Variants in IMPG2 observed in about 807,000 individuals in gnomAD.
IMPG2 encodes IPM 200.
IMPG2 carries 91 observed loss-of-function variants against 129.2 expected under a neutral mutation model. The ratio of observed to expected loss-of-function variants is 0.70; its 90% CI spans 0.59 to 0.84. The LOEUF is 0.84. IMPG2 is among the 40% of genes least tolerant of loss of function. The pLI is 0.00. For synonymous variants in IMPG2, 510 were observed against 517.7 expected (o/e 0.99, Z 0.20); for missense variants, 1,430 against 1,461.7 (o/e 0.98, Z 0.35).
At chr3:101,268,545 C>G (rs1706745138) in intron 8 of IMPG2, among the ~76,000 whole-genome samples, 1 of 151,960 alleles carries the variant, frequency 6.6e-6, no homozygotes, top group Non-Finnish European at 1.5e-5. Context: ...CTCTGGTTTC[C>G]TTATTGGAAA....
chr3:101,229,300 A>ACCG, intron 17 of IMPG2, 80 bp downstream of exon 17: 1 of 859,116 alleles, frequency 1.2e-6, no homozygotes. Context: ...ACTCATACAC[A>ACCG]CCCCCACCCA....
chr3:101,236,419 A>T (rs1706346305), intron 14 of IMPG2, among the ~76,000 whole-genome samples: 1 of 152,226 alleles, frequency 6.6e-6, no homozygotes, highest in Non-Finnish European at 1.5e-5. Context: ...CAAGATGGCC[A>T]AATAGGAACA....
chr3:101,291,137 C>T (rs974869955), intron 4 of IMPG2, among the ~76,000 whole-genome samples: 1 of 152,198 alleles, frequency 6.6e-6, no homozygotes, highest in Non-Finnish European at 1.5e-5. Context: ...ATAAACTATT[C>T]TCCACTGTGG....
In IMPG2 at chr3:101,245,853, AG is replaced by A; in HGVS notation, c.1491del (p.Leu498CysfsTer15). 6.2e-7 allele frequency: 1 copy of A among 1,614,220 alleles called. No individual in the cohort carries two copies. On this transcript the variant is annotated frameshift_variant, in exon 12 of 19. Transcript: ENST00000193391. LOFTEE classifies it high-confidence loss of function. ...HSVTPAVLQT[G>X]LPVASEERTS... ...GTCCTTTCCTCAGAAGCCACAGGCA[AG>A]CCAGTCTGAAGCACTGCCGGGGTGA...
intron 9 of IMPG2, among the ~76,000 whole-genome samples, chr3:101,261,839 T>C (rs1706674741): frequency 6.6e-6 from 1 of 152,014 alleles, no homozygotes; most frequent in Non-Finnish European, 1.5e-5. Context: ...GAATACACAT[T>C]GGTAGATAAA....
intron 15 of IMPG2, among the ~76,000 whole-genome samples, chr3:101,231,820 T>C (rs973657667): frequency 6.6e-6 from 1 of 152,186 alleles, no homozygotes; most frequent in Non-Finnish European, 1.5e-5. Context: ...TGGTTGTGTA[T>C]GGTTGGAAAG....
At chr3:101,257,392 CATTCATAT>C in intron 10 of IMPG2, 129 bp downstream of exon 10, 1 of 986,688 alleles carries the variant, frequency 1.0e-6, no homozygotes, top group Non-Finnish European at 1.5e-6. Context: ...GCTAAAACTC[CATTCATAT>C]CAGGTTGGCT....
rs1282236292 is a variant in IMPG2, at chr3:101,224,752, C to T, written c.*2217G>A. 1 of 152,230 alleles carries T rather than the reference C, an allele frequency of 6.6e-6. No homozygotes were observed. The highest frequency in any genetic ancestry group is 1.5e-5 in the Non-Finnish European group (1 of 68,050). 9.4% of individuals were successfully genotyped at this position (152,230 alleles called of 1,614,324 possible). The stretch of plus-strand genomic sequence containing the variant: ...CCTCAACTGAGGCCTCCTGTTCTTT[C>T]CCTGATAGTTGAGGGGCTCCTTTAC... On this transcript the variant is annotated 3_prime_UTR_variant, in exon 19 of 19. Transcript: ENST00000193391.
At chr3:101,286,803 A>G (rs765064034) in intron 4 of IMPG2, among the ~76,000 whole-genome samples, 1 of 152,170 alleles carries the variant, frequency 6.6e-6, no homozygotes, top group Non-Finnish European at 1.5e-5. Context: ...TTTCCAGCTG[A>G]TGCACAGAAA....
chr3:101,262,385 T>C (rs1435939644), intron 9 of IMPG2, among the ~76,000 whole-genome samples: 2 of 152,116 alleles, frequency 1.3e-5, no homozygotes, highest in Non-Finnish European at 2.9e-5. Flanking sequence ...GTATGTTATA[T>C]ATCTCATAGA....
intron 7 of IMPG2, 66 bp from the exon 8 acceptor site, chr3:101,269,639 C>T (rs906742840): frequency 2.6e-5 from 24 of 938,844 alleles, no homozygotes; most frequent in Non-Finnish European, 4.0e-5. Flanking sequence ...GAAAATAATG[C>T]TTTTAAGAGT....
At chr3:101,291,541 A>G (rs367548810) in intron 3 of IMPG2, 31 bp from the exon 4 acceptor site, 5 of 1,527,296 alleles carry the variant, frequency 3.3e-6, no homozygotes, top group African/African-American at 2.7e-5. Context: ...AAAATGACTG[A>G]GTTAACAACA....
intron 3 of IMPG2, among the ~76,000 whole-genome samples, chr3:101,291,895 C>G (rs1027690207): frequency 6.6e-6 from 1 of 152,094 alleles, no homozygotes; most frequent in Admixed American, 6.5e-5. Context: ...CATCCTAGAA[C>G]AATGTAAACA....
chr3:101,272,213 T>TA (rs1706793164), intron 7 of IMPG2, among the ~76,000 whole-genome samples: 2 of 152,144 alleles, frequency 1.3e-5, no homozygotes, highest in South Asian at 4.1e-4. Context: ...CTTCCAGTAA[T>TA]ACCCAGAGAA....
intron 14 of IMPG2, 134 bp from the exon 15 acceptor site, chr3:101,233,125 C>T (rs1446559144): frequency 1.3e-6 from 1 of 761,582 alleles, no homozygotes; most frequent in East Asian, 2.6e-5. Flanking sequence ...TACACCATCG[C>T]CACCAATACC....
chr3:101,308,550 G>A (rs1707228563), intron 2 of IMPG2, among the ~76,000 whole-genome samples: 2 of 152,208 alleles, frequency 1.3e-5, no homozygotes, highest in South Asian at 2.1e-4. Context: ...CTGGCACACA[G>A]GGCACCAACT....
At chr3:101,254,467 A>G (rs1706577768) in intron 10 of IMPG2, among the ~76,000 whole-genome samples, 1 of 152,134 alleles carries the variant, frequency 6.6e-6, no homozygotes, top group Admixed American at 6.6e-5. Context: ...TAATACAGAC[A>G]AAGAAGTAGC....
chr3:101,232,448 G>A (rs1706299221), intron 15 of IMPG2, among the ~76,000 whole-genome samples: 1 of 152,012 alleles, frequency 6.6e-6, no homozygotes, highest in Admixed American at 6.5e-5. Flanking sequence ...ATGTTGGCCA[G>A]GATGGTCTCA....
chr3:101,229,261 T>C (rs2107203623), intron 17 of IMPG2, 119 bp downstream of exon 17: 1 of 859,396 alleles, frequency 1.2e-6, no homozygotes, highest in South Asian at 1.4e-5. Context: ...TTTTACACTT[T>C]CTTAAAGTCC....
Sources: gnomAD v4.1 joint callset for allele counts (sites outside exome capture counted in the v4.1 genomes callset) on GRCh38, gnomAD v4.1.1 for gene constraint, MANE v1.5 for transcripts, NCBI Gene and HGNC (gene_info 2026-07-23, HGNC 2026-07-21) for gene names.